The following CRTC3 variants were observed in gnomAD, a reference collection of about 807,000 sequenced individuals.
The protein encoded by CRTC3 is CREB regulated transcription coactivator 3.
Under a neutral mutation model 74.5 loss-of-function variants are expected in CRTC3, and 26 were observed. That is an observed-to-expected ratio of 0.35 (90% CI 0.26 to 0.48). The LOEUF (loss-of-function observed/expected upper bound fraction) is 0.48. Ranked by LOEUF, CRTC3 falls within the 20% of genes least tolerant of loss-of-function variation. CRTC3 has a pLI of 0.99. For synonymous variants in CRTC3, 377 were observed against 325.8 expected (o/e 1.16, Z -1.69); for missense variants, 760 against 787.3 (o/e 0.97, Z 0.41).
chr15:90,556,764 G>A (rs979295345), intron 2 of CRTC3, among the ~76,000 whole-genome samples: 1 of 151,976 alleles, frequency 6.6e-6, no homozygotes, highest in Non-Finnish European at 1.5e-5. Flanking sequence ...AGAGAAATAT[G>A]ACTCAAGAAA....
chr15:90,587,619 A>T (rs891723283), intron 2 of CRTC3, among the ~76,000 whole-genome samples: 1 of 151,842 alleles, frequency 6.6e-6, no homozygotes, highest in Admixed American at 6.6e-5. Flanking sequence ...TGCTTTCTGT[A>T]TTTATTTACT....
intron 2 of CRTC3, among the ~76,000 whole-genome samples, chr15:90,566,119 C>T (rs781273625): frequency 1.3e-5 from 2 of 152,162 alleles, no homozygotes; most frequent in Non-Finnish European, 2.9e-5. Flanking sequence ...TCAAACTAGC[C>T]ACCACATTCC....
At chr15:90,549,850 C>T (rs1966851449) in intron 2 of CRTC3, among the ~76,000 whole-genome samples, 1 of 150,748 alleles carries the variant, frequency 6.6e-6, no homozygotes, top group South Asian at 2.1e-4. Context: ...CTACAGGCGC[C>T]TGCCACCATG....
At chr15:90,534,445 A>G (rs1404611714) in intron 1 of CRTC3, among the ~76,000 whole-genome samples, 1 of 152,204 alleles carries the variant, frequency 6.6e-6, no homozygotes, top group African/African-American at 2.4e-5. Flanking sequence ...TTATGTAGCC[A>G]CAGAAGTAGA....
intron 5 of CRTC3, among the ~76,000 whole-genome samples, chr15:90,605,970 T>C (rs1968207564): frequency 6.6e-6 from 1 of 152,234 alleles, no homozygotes; most frequent in Non-Finnish European, 1.5e-5. Context: ...TTAAAAAACA[T>C]GGAGGCCTGG....
chr15:90,640,742 C>G (rs1035983801), intron 13 of CRTC3, among the ~76,000 whole-genome samples: 9 of 151,810 alleles, frequency 5.9e-5, no homozygotes, highest in African/African-American at 2.2e-4. Context: ...ATAGACAGAG[C>G]CTTTGAAGGG....
At chr15:90,558,108 T>G (rs1396996775) in intron 2 of CRTC3, among the ~76,000 whole-genome samples, 1 of 152,130 alleles carries the variant, frequency 6.6e-6, no homozygotes, top group African/African-American at 2.4e-5. Flanking sequence ...CAGTTACTTG[T>G]GCCAAAACCT....
At chr15:90,544,431 A>G (rs1003272377) in intron 2 of CRTC3, among the ~76,000 whole-genome samples, 1 of 152,244 alleles carries the variant, frequency 6.6e-6, no homozygotes, top group Non-Finnish European at 1.5e-5. Context: ...ACTTGAAGAT[A>G]TCTCTTTTGG....
chr15:90,635,472 C>T (rs1399686336), intron 11 of CRTC3, among the ~76,000 whole-genome samples: 2 of 152,066 alleles, frequency 1.3e-5, no homozygotes, highest in African/African-American at 2.4e-5. Context: ...TGGTGAAACC[C>T]CGTCTCTACT....
At chr15:90,562,239 G>C (rs1433756449) in intron 2 of CRTC3, among the ~76,000 whole-genome samples, 2 of 152,222 alleles carry the variant, frequency 1.3e-5, no homozygotes, top group Non-Finnish European at 2.9e-5. Context: ...TTTAAGAGTG[G>C]TGAGGAGAAG....
intron 11 of CRTC3, 92 bp from the exon 12 acceptor site, chr15:90,638,354 G>C: frequency 9.1e-7 from 1 of 1,096,154 alleles, no homozygotes. Context: ...GAAAATCTCA[G>C]GCTTCCTCTC....
chr15:90,591,931 T>C (rs1967810673), intron 2 of CRTC3, among the ~76,000 whole-genome samples: 2 of 152,256 alleles, frequency 1.3e-5, no homozygotes, highest in South Asian at 4.1e-4. Context: ...TAAATCTAGC[T>C]TCCCTATATC....
At chr15:90,619,992 TAACA>T (rs1968600000) in intron 9 of CRTC3, 2 of 563,696 alleles carry the variant, frequency 3.5e-6, no homozygotes, top group South Asian at 4.5e-5. Flanking sequence ...ATGACTATAA[TAACA>T]AACAAAACTT....
At chr15:90,640,254 T>C (rs1371668163) in intron 13 of CRTC3, among the ~76,000 whole-genome samples, 1 of 152,166 alleles carries the variant, frequency 6.6e-6, no homozygotes, top group African/African-American at 2.4e-5. Context: ...CTTAGAAAAT[T>C]AATTTCAGGA....
Position 90,625,902 on chromosome 15 carries a change from C to G in CRTC3, c.876C>G (p.Thr292=). 6.2e-7 allele frequency: 1 copy of G among 1,614,178 alleles called. No individual in the cohort carries two copies. The highest frequency in any genetic ancestry group is 1.1e-5 in the South Asian group (1 of 91,082). ...CACCCCTGCCAGCCTCCCTGGACAC[C>G]ACCGACCACCACTTTGGCAGTATGA... ...YSTPLPASLD[T]TDHHFGSMSV... is the part of the protein sequence containing the mutation. Residue 292 remains threonine, a synonymous_variant, in exon 10 of 15, where the codon ACC becomes ACG. Transcript: ENST00000268184.
At chr15:90,551,940 ACACG>A (rs1358273873) in intron 2 of CRTC3, among the ~76,000 whole-genome samples, 607 of 11,968 alleles carry the variant, frequency 0.051, 15 homozygotes, top group Middle Eastern at 0.23. Flanking sequence ...GCACACACAC[ACACG>A]CACACACACA....
intron 3 of CRTC3, chr15:90,595,354 C>G (rs1233865705): frequency 6.6e-6 from 1 of 152,072 alleles, no homozygotes; most frequent in Non-Finnish European, 1.5e-5. Context: ...GGGCAGATCA[C>G]GAGGTCAGGA....
chr15:90,598,012 A>G (rs1437948069), intron 3 of CRTC3: 1 of 166,362 alleles, frequency 6.0e-6, no homozygotes, highest in East Asian at 1.7e-4. Context: ...AGTTTTATAT[A>G]TTAAATCTGA....
At chr15:90,625,326 T>C (rs566082968) in intron 9 of CRTC3, among the ~76,000 whole-genome samples, 1 of 152,326 alleles carries the variant, frequency 6.6e-6, no homozygotes, top group East Asian at 1.9e-4. Flanking sequence ...AACATCTCTT[T>C]GTCACTTTAA....
Sources: gnomAD v4.1 joint callset for allele counts (sites outside exome capture counted in the v4.1 genomes callset) on GRCh38, gnomAD v4.1.1 for gene constraint, MANE v1.5 for transcripts, NCBI Gene and HGNC (gene_info 2026-07-23, HGNC 2026-07-21) for gene names.